Variants in CADPS2 observed in about 807,000 individuals in gnomAD.
The protein encoded by CADPS2 is calcium-dependent secretion activator 2.
In CADPS2, 93 loss-of-function variants were observed where a neutral mutation model predicts 172.5. That is an observed-to-expected ratio of 0.54 (90% confidence interval 0.46 to 0.64). CADPS2 has a LOEUF of 0.64. CADPS2 is among the 30% of genes least tolerant of loss of function. The pLI is 0.00. For missense variants in CADPS2, 1,420 were observed against 1,565.9 expected, an observed-to-expected ratio of 0.91 and a Z score of 1.57; for synonymous variants, 546 against 555.2, an observed-to-expected ratio of 0.98 and a Z score of 0.23.
chr7:122,639,549 C>T (rs1033334952), intron 3 of CADPS2, among the ~76,000 whole-genome samples: 1 of 152,086 alleles, frequency 6.6e-6, no homozygotes, highest in African/African-American at 2.4e-5. Flanking sequence ...TTTAGCTCTC[C>T]ACAATTTATT....
chr7:122,640,667 C>T (rs868408819), intron 3 of CADPS2, among the ~76,000 whole-genome samples: 2 of 152,100 alleles, frequency 1.3e-5, no homozygotes, highest in Non-Finnish European at 2.9e-5. Context: ...CGCGGTGGCT[C>T]ACGCCTCTAA....
chr7:122,621,463 T>G lies in CADPS2; in HGVS notation c.1104+18A>C. The G allele has an allele frequency of 1.3e-4, 194 of 1,487,776 alleles. No homozygotes were observed. The highest frequency in any genetic ancestry group is 1.7e-4 in the Non-Finnish European group (178 of 1,069,824). 92.2% of individuals were successfully genotyped at this position (1,487,776 alleles called of 1,614,324 possible). On this transcript the variant is annotated intron_variant, in intron 5 of 29. Transcript: ENST00000449022. Reference sequence around the variant, plus strand: ...TCATTTATGCTGTCAGAGGTGAGCATGAGATAAAGCTACTTACCTCTAAGG... The same window carrying G: ...TCATTTATGCTGTCAGAGGTGAGCAGGAGATAAAGCTACTTACCTCTAAGG...
intron 3 of CADPS2, among the ~76,000 whole-genome samples, chr7:122,642,010 T>C (rs939946974): frequency 6.6e-6 from 1 of 152,138 alleles, no homozygotes; most frequent in African/African-American, 2.4e-5. Flanking sequence ...CCGGCCGTGG[T>C]GGCTCAAACC....
chr7:122,750,274 T>C (rs1395633909), intron 1 of CADPS2, among the ~76,000 whole-genome samples: 1 of 152,136 alleles, frequency 6.6e-6, no homozygotes, highest in Admixed American at 6.6e-5. Context: ...TATGTCATTT[T>C]TGTGTAATTA....
At chr7:122,849,974 A>C in intron 1 of CADPS2, 1 of 587,642 alleles carries the variant, frequency 1.7e-6, no homozygotes, top group Non-Finnish European at 2.8e-6. Flanking sequence ...TCCTCAAGCT[A>C]TGGGCCCACC....
intron 1 of CADPS2, among the ~76,000 whole-genome samples, chr7:122,868,478 C>A (rs1278893710): frequency 6.6e-6 from 1 of 152,110 alleles, no homozygotes; most frequent in Non-Finnish European, 1.5e-5. Flanking sequence ...TCTCTCAAGG[C>A]AATATCATGA....
At chr7:122,698,579 G>C in intron 2 of CADPS2, 5 of 1,613,992 alleles carry the variant, frequency 3.1e-6, no homozygotes, top group Non-Finnish European at 4.2e-6. Flanking sequence ...TTAATTTTCT[G>C]TGTGAAGGTA....
chr7:122,437,071 C>T (rs2050730661), intron 17 of CADPS2, among the ~76,000 whole-genome samples: 1 of 152,002 alleles, frequency 6.6e-6, no homozygotes, highest in African/African-American at 2.4e-5. Flanking sequence ...AATATCATTT[C>T]TTCCAATCTG....
chr7:122,436,300 T>TAAA lies in CADPS2; in HGVS notation c.2476+2038_2476+2040dup, dbSNP rs916062594. 149 of 1,076,592 alleles carry TAAA rather than the reference T, an allele frequency of 1.4e-4. No individual in the cohort carries two copies. The African/African-American group carries it at 2.1e-3, about 15-fold the overall frequency. 66.7% of individuals were successfully genotyped at this position (1,076,592 alleles called of 1,614,324 possible). On this transcript the variant is annotated intron_variant, in intron 17 of 29. Transcript: ENST00000449022. ...TCAATCATGTCTCAACAAAGTGCTT[T>TAAA]AAAAATATCACACCACCACATGAGA... is the stretch of plus-strand genomic sequence containing the variant.
At chr7:122,667,623 A>G (rs1245699187) in intron 2 of CADPS2, among the ~76,000 whole-genome samples, 1 of 152,130 alleles carries the variant, frequency 6.6e-6, no homozygotes, top group East Asian at 1.9e-4. Context: ...ATGCAAATAT[A>G]ATAGGGCGAC....
chr7:122,787,419 C>G (rs965763689), intron 1 of CADPS2, among the ~76,000 whole-genome samples: 10 of 152,186 alleles, frequency 6.6e-5, no homozygotes, highest in African/African-American at 2.4e-4. Context: ...TACTCTCATT[C>G]TATCTTTCTC....
chr7:122,718,871 A>G (rs763566373), intron 2 of CADPS2, among the ~76,000 whole-genome samples: 37 of 152,148 alleles, frequency 2.4e-4, no homozygotes, highest in Non-Finnish European at 4.1e-4. Flanking sequence ...GTGCCCAACA[A>G]TCAATGGTCA....
At chr7:122,383,016 A>T (rs918528311) in intron 24 of CADPS2, among the ~76,000 whole-genome samples, 5 of 152,150 alleles carry the variant, frequency 3.3e-5, no homozygotes, top group African/African-American at 1.2e-4. Flanking sequence ...AACAAAAACA[A>T]AAACCACTTG....
chr7:122,666,640 C>T (rs2081222807), intron 2 of CADPS2, among the ~76,000 whole-genome samples: 3 of 152,142 alleles, frequency 2.0e-5, no homozygotes, highest in Admixed American at 2.0e-4. Context: ...CCACGCCCAG[C>T]CAGCTAACAC....
chr7:122,657,983 C>G (rs536804345), intron 3 of CADPS2, among the ~76,000 whole-genome samples: 1 of 152,178 alleles, frequency 6.6e-6, no homozygotes, highest in African/African-American at 2.4e-5. Flanking sequence ...TTTTTGCAAT[C>G]TACTCATCTG....
intron 1 of CADPS2, among the ~76,000 whole-genome samples, chr7:122,774,932 G>C (rs1424448584): frequency 3.3e-5 from 5 of 151,860 alleles, no homozygotes; most frequent in Non-Finnish European, 7.4e-5. Flanking sequence ...GCTTTTTGAG[G>C]GTGATGGCCA....
At chr7:122,513,675 T>C (rs951514447) in intron 8 of CADPS2, among the ~76,000 whole-genome samples, 3 of 152,328 alleles carry the variant, frequency 2.0e-5, no homozygotes, top group African/African-American at 7.2e-5. Context: ...GCTTCAGTTC[T>C]CAGATGACTG....
At chr7:122,334,572 C>CAGAGAGCAAG (rs1261456243) in intron 28 of CADPS2, among the ~76,000 whole-genome samples, 1 of 152,186 alleles carries the variant, frequency 6.6e-6, no homozygotes, top group Non-Finnish European at 1.5e-5. Context: ...CCAGGAAGAA[C>CAGAGAGCAAG]AGAGAGCAAG....
chr7:122,465,958 GCTTT>G (rs941373148), intron 14 of CADPS2, among the ~76,000 whole-genome samples: 9 of 152,134 alleles, frequency 5.9e-5, no homozygotes, highest in African/African-American at 1.2e-4. Flanking sequence ...TACATATAGA[GCTTT>G]CTTTGATTGT....
Sources: allele counts gnomAD v4.1 joint callset (sites outside exome capture counted in the v4.1 genomes callset), GRCh38; gene constraint gnomAD v4.1.1; transcripts MANE v1.5; gene names NCBI Gene and HGNC (gene_info 2026-07-23, HGNC 2026-07-21).